The following MYLK4 variants were observed in gnomAD, a reference collection of about 807,000 sequenced individuals.
MYLK4 encodes myosin light chain kinase family member 4.
A neutral mutation model predicts 48.1 loss-of-function variants in MYLK4; 46 were observed. That is an observed-to-expected ratio of 0.96 (90% CI 0.75 to 1.22). MYLK4 has a LOEUF of 1.22. MYLK4 is among the 50% of genes most tolerant of loss of function. The pLI is 0.00. For synonymous variants in MYLK4, 170 were observed against 180.8 expected (o/e 0.94, Z 0.48); for missense variants, 451 against 486.1 (o/e 0.93, Z 0.68).
chr6:2,685,560 C>A lies in MYLK4; in HGVS notation c.358G>T (p.Val120Phe), dbSNP rs1644790506. The A allele has an allele frequency of 2.5e-6, 4 of 1,614,188 alleles. No individual in the cohort carries two copies. Among genetic ancestry groups the A allele is most frequent in the Non-Finnish European group, 3.4e-6 (4 of 1,180,030 alleles). Reference protein sequence around the residue: ...EILGGGRFGQVHKCEETATGL... With the variant: ...EILGGGRFGQFHKCEETATGL... ...GTGGCCGTCTCCTCACACTTGTGAA[C>A]CTGGCCGAAACGCCCTCTGCCAAAA... The change falls in exon 5 of 13, where the codon GTT (valine) becomes TTT (phenylalanine). Residue 120 changes from valine to phenylalanine, a missense_variant. Transcript: ENST00000274643. This position sits in a 1 kb window ranked among gnomAD's most constrained non-coding sequence, Gnocchi z 4.5.
chr6:2,765,473 T>C, the MYLK4 span: 6 of 1,015,582 alleles, frequency 5.9e-6, no homozygotes, highest in South Asian at 1.8e-4. Context: ...ACGTGAGGCA[T>C]GAGCGGCGCC....
intron 2 of MYLK4, among the ~76,000 whole-genome samples, chr6:2,744,972 C>A (rs995491719): frequency 2.0e-5 from 3 of 152,182 alleles, no homozygotes; most frequent in Admixed American, 1.3e-4. Flanking sequence ...CATTCACAAC[C>A]TGTGTCCTAC....
Position 2,685,573 on chromosome 6 carries a change from C to A in MYLK4, c.345G>T (p.Gly115=). Residue 115 remains glycine, a synonymous_variant, in exon 5 of 13, where the codon GGG becomes GGT. Coordinates refer to ENST00000274643, the MANE Select transcript of MYLK4 (RefSeq NM_001012418.5). This position sits in a 1 kb window ranked among gnomAD's most constrained non-coding sequence, Gnocchi z 4.5. ...CACACTTGTGAACCTGGCCGAAACG[C>A]CCTCTGCCAAAAAGAGGAAGCGGCG... ...TVSKTEILGG[G]RFGQVHKCEE... 1 of 1,614,130 alleles carries A rather than the reference C, an allele frequency of 6.2e-7. No individual in the cohort carries two copies. Among genetic ancestry groups the A allele is most frequent in the South Asian group, 1.1e-5 (1 of 91,076 alleles).
chr6:2,758,974 C>T, the MYLK4 span, among the ~76,000 whole-genome samples: 1 of 152,218 alleles, frequency 6.6e-6, no homozygotes, highest in Non-Finnish European at 1.5e-5. Flanking sequence ...CACAAGTTTA[C>T]ACTCCCACCA....
At chr6:2,767,048 C>T in the MYLK4 span, among the ~76,000 whole-genome samples, 1 of 152,144 alleles carries the variant, frequency 6.6e-6, no homozygotes, top group African/African-American at 2.4e-5. Context: ...TTTTCATCTG[C>T]AAGTCATTTT....
At chr6:2,711,039 C>T (rs1258080557) in intron 2 of MYLK4, among the ~76,000 whole-genome samples, 1 of 152,218 alleles carries the variant, frequency 6.6e-6, no homozygotes, top group Non-Finnish European at 1.5e-5. Context: ...AGGGGAGGAA[C>T]TGTGGCCATT....
intron 7 of MYLK4, among the ~76,000 whole-genome samples, 169 bp downstream of exon 7, chr6:2,682,852 T>G (rs1405207455): frequency 6.6e-6 from 1 of 152,050 alleles, no homozygotes; most frequent in Non-Finnish European, 1.5e-5. Context: ...ATGCAAATAT[T>G]AGGGAGTGAC....
At position 2,688,068 on chromosome 6, in the gene MYLK4, CT is replaced by C. The variant is rs1264356341; in HGVS notation, c.341+782del. ...GGTTTTTTTTCTTTTCTTTTTTTTT[CT>C]TTTTTTTTGAGACAGAGTCTTACTC... On this transcript the variant is annotated intron_variant, in intron 4 of 12. Coordinates refer to ENST00000274643, the MANE Select transcript of MYLK4 (RefSeq NM_001012418.5). 2.9e-5 allele frequency among the ~76,000 whole-genome samples: 4 copies of C among 140,254 alleles called. No individual in the cohort carries two copies. In the South Asian group the frequency reaches 7.3e-4, roughly 26 times the overall value. 92.0% of individuals were successfully genotyped at this position (140,254 alleles called of 152,430 possible). A position where few individuals can be genotyped will look rare whatever the true frequency, so the allele number is the denominator to read the frequency against.
chr6:2,737,565 A>ATG (rs1156701777), intron 2 of MYLK4, among the ~76,000 whole-genome samples: 1 of 152,168 alleles, frequency 6.6e-6, no homozygotes, highest in Non-Finnish European at 1.5e-5. Flanking sequence ...AAAAGGAGAG[A>ATG]TGTAAGATAC....
intron 2 of MYLK4, among the ~76,000 whole-genome samples, chr6:2,707,965 A>G (rs1298812272): frequency 6.6e-6 from 1 of 152,164 alleles, no homozygotes; most frequent in African/African-American, 2.4e-5. Context: ...GCTCCCATCA[A>G]TACTCATTTA....
chr6:2,768,658 C>G, the MYLK4 span: 2 of 1,555,044 alleles, frequency 1.3e-6, no homozygotes, highest in South Asian at 1.2e-5. Flanking sequence ...GTCTTACCAG[C>G]TTTTCAAACT....
At chr6:2,697,642 C>T (rs1381221652) in intron 2 of MYLK4, among the ~76,000 whole-genome samples, 4 of 152,204 alleles carry the variant, frequency 2.6e-5, no homozygotes, top group African/African-American at 9.7e-5. Flanking sequence ...TCTAATCCTT[C>T]TTTCATTCCC....
the MYLK4 span, chr6:2,770,314 T>C: frequency 1.2e-6 from 2 of 1,614,166 alleles, no homozygotes; most frequent in Non-Finnish European, 8.5e-7. Flanking sequence ...TCCTAGACTC[T>C]AGCCGTCCCA....
intron 2 of MYLK4, among the ~76,000 whole-genome samples, chr6:2,720,902 C>T (rs1483866104): frequency 2.0e-5 from 3 of 152,138 alleles, no homozygotes; most frequent in Non-Finnish European, 2.9e-5. Flanking sequence ...GTGGCTCACA[C>T]CTATAATCTC....
intron 2 of MYLK4, among the ~76,000 whole-genome samples, chr6:2,746,109 A>T (rs552258718): frequency 3.8e-3 from 89 of 23,132 alleles, no homozygotes; most frequent in Middle Eastern, 0.031. Context: ...AAAAAAATAT[A>T]AAAAAAAATG....
chr6:2,755,065 A>G (rs1036404839), upstream of MYLK4, among the ~76,000 whole-genome samples: 3 of 152,244 alleles, frequency 2.0e-5, no homozygotes, highest in Non-Finnish European at 4.4e-5. Flanking sequence ...TTAGACCACT[A>G]AAACTTCTAA....
intron 2 of MYLK4, among the ~76,000 whole-genome samples, chr6:2,743,230 T>C (rs1326863564): frequency 6.6e-6 from 1 of 152,174 alleles, no homozygotes; most frequent in Non-Finnish European, 1.5e-5. Flanking sequence ...TCAGACTGTT[T>C]TCCATAGTGC....
chr6:2,742,360 A>G (rs1463558458), intron 2 of MYLK4, among the ~76,000 whole-genome samples: 1 of 152,176 alleles, frequency 6.6e-6, no homozygotes, highest in Non-Finnish European at 1.5e-5. Context: ...CAGCCATCCC[A>G]TTACTGGGTA....
intron 2 of MYLK4, among the ~76,000 whole-genome samples, chr6:2,729,614 C>T (rs1363858322): frequency 6.6e-6 from 1 of 152,208 alleles, no homozygotes; most frequent in Non-Finnish European, 1.5e-5. Flanking sequence ...TGTTTCTCTT[C>T]TGCCTCTCAG....
Sources: allele counts gnomAD v4.1 joint callset (sites outside exome capture counted in the v4.1 genomes callset), GRCh38; gene constraint gnomAD v4.1.1; non-coding constraint Gnocchi (gnomAD v3.1); transcripts MANE v1.5; gene names NCBI Gene and HGNC (gene_info 2026-07-23, HGNC 2026-07-21).